The following CNTN1 variants were observed in gnomAD, a reference collection of about 807,000 sequenced individuals.
The protein encoded by CNTN1 is contactin-1.
Under a neutral mutation model 126.4 loss-of-function variants are expected in CNTN1, and 38 were observed. That is an observed-to-expected ratio of 0.30 (90% CI 0.23 to 0.39). The LOEUF is 0.39. CNTN1 is among the 10% of genes least tolerant of loss of function. CNTN1 has a pLI of 1.00. For missense variants in CNTN1, 1,009 were observed against 1,248.4 expected (o/e 0.81, Z 2.89); for synonymous variants, 413 against 422.6 (o/e 0.98, Z 0.28).
chr12:40,822,665 A>G (rs563445050), intron 1 of CNTN1, among the ~76,000 whole-genome samples: 1 of 152,296 alleles, frequency 6.6e-6, no homozygotes, highest in East Asian at 1.9e-4. Context: ...CCTTATATCT[A>G]TGTACCTTTA....
chr12:40,882,211 G>T (rs1943892083), intron 1 of CNTN1, among the ~76,000 whole-genome samples: 1 of 151,620 alleles, frequency 6.6e-6, no homozygotes, highest in Non-Finnish European at 1.5e-5. Context: ...CAGGAAAATA[G>T]GTAGGCATAT....
chr12:41,044,625 T>C (rs1298454711), intron 23 of CNTN1, among the ~76,000 whole-genome samples: 1 of 152,106 alleles, frequency 6.6e-6, no homozygotes, highest in Non-Finnish European at 1.5e-5. Context: ...AATGTTATAC[T>C]GGGAGGGTAG....
intron 14 of CNTN1, among the ~76,000 whole-genome samples, chr12:40,947,748 G>A (rs2136963442): frequency 7.0e-6 from 1 of 142,626 alleles, no homozygotes; most frequent in Non-Finnish European, 1.5e-5. Flanking sequence ...TCCAGTTTTG[G>A]AGATTGTCAC....
chr12:40,861,663 A>G (rs1943119230), intron 1 of CNTN1, among the ~76,000 whole-genome samples: 1 of 152,082 alleles, frequency 6.6e-6, no homozygotes, highest in South Asian at 2.1e-4. Flanking sequence ...GCCTATTTAT[A>G]TTTACCAATT....
chr12:40,807,092 A>G (rs1043852055), intron 1 of CNTN1, among the ~76,000 whole-genome samples: 1 of 152,032 alleles, frequency 6.6e-6, no homozygotes, highest in Non-Finnish European at 1.5e-5. Context: ...ATAATCACTG[A>G]TTCTATACCT....
Position 40,902,814 on chromosome 12 carries a change from A to G in CNTN1, c.-76-5543A>G, listed in dbSNP as rs143119277. Reference sequence around the variant, plus strand: ...TTATAATAATTTATTTGGACTATCCAGCACCAGAATAAAACATGACAAGAG... The same window carrying G: ...TTATAATAATTTATTTGGACTATCCGGCACCAGAATAAAACATGACAAGAG... On this transcript the variant is annotated intron_variant, in intron 1 of 23. Coordinates refer to ENST00000551295, the MANE Select transcript of CNTN1 (RefSeq NM_001843.4). 5.7e-3 allele frequency among the ~76,000 whole-genome samples: 868 copies of G among 152,302 alleles called. 12 individuals carry two copies. Among genetic ancestry groups the G allele is most frequent in the African/African-American group, 0.02 (817 of 41,552 alleles).
At chr12:40,725,625 T>G (rs892097913) in intron 1 of CNTN1, among the ~76,000 whole-genome samples, 1 of 152,086 alleles carries the variant, frequency 6.6e-6, no homozygotes, top group Non-Finnish European at 1.5e-5. Context: ...TCTTAGTTTC[T>G]ATAGGAGAGT....
At position 40,943,675 on chromosome 12, in the gene CNTN1, A is replaced by G; in HGVS notation, c.1458A>G (p.Ala486=). The G allele has an allele frequency of 6.2e-7, 1 of 1,612,504 alleles. No individual in the cohort carries two copies. Among genetic ancestry groups the G allele is most frequent in the Non-Finnish European group, 8.5e-7 (1 of 1,178,836 alleles). The stretch of plus-strand genomic sequence containing the variant: ...ATGGAGGTATCTATACATGCTTTGC[A>G]GAAAATAACAGAGGGAAAGCTAATA... The part of the protein sequence containing the change: ...RNDGGIYTCF[A]ENNRGKANST... Residue 486 remains alanine (A), a synonymous_variant, in exon 13 of 24, where the codon GCA becomes GCG. Transcript: ENST00000551295.
At chr12:40,866,097 T>A (rs1028725373) in intron 1 of CNTN1, among the ~76,000 whole-genome samples, 2 of 146,454 alleles carry the variant, frequency 1.4e-5, no homozygotes, top group Non-Finnish European at 3.0e-5. Flanking sequence ...TAATTATTTT[T>A]AAATTGTATT....
intron 17 of CNTN1, among the ~76,000 whole-genome samples, chr12:40,996,459 G>T (rs1948221253): frequency 6.6e-6 from 1 of 152,062 alleles, no homozygotes. Context: ...ATTTCTAAAT[G>T]GGAATCATTT....
intron 23 of CNTN1, among the ~76,000 whole-genome samples, chr12:41,050,548 A>C (rs998879345): frequency 6.2e-4 from 94 of 152,202 alleles, no homozygotes; most frequent in Non-Finnish European, 7.2e-4. Context: ...TGATCCAATC[A>C]CCTTCCACCA....
intron 23 of CNTN1, among the ~76,000 whole-genome samples, chr12:41,046,029 A>G (rs1036496138): frequency 1.1e-4 from 17 of 152,140 alleles, no homozygotes; most frequent in African/African-American, 4.1e-4. Flanking sequence ...TACAGAGACT[A>G]ACTCCTCAAG....
In CNTN1 at chr12:40,999,697, C is replaced by CTTTT. The variant is rs398019220; in HGVS notation, c.2113+6448_2113+6451dup. On this transcript the variant is annotated intron_variant, in intron 17 of 23. Transcript: ENST00000551295. ...GAGAAGCAGTTACTGTTCTTCTGTG[C>CTTTT]TTTTTTTTTTTTTTTTTTTTTTTGA... 1.9e-3 allele frequency among the ~76,000 whole-genome samples: 168 copies of CTTTT among 86,648 alleles called. 3 individuals are homozygous for CTTTT. Among genetic ancestry groups the CTTTT allele is most frequent in the Non-Finnish European group, 2.7e-3 (129 of 47,770 alleles). The allele number at this position is 86,648 out of a possible 152,430, so 56.8% of individuals were successfully genotyped here.
intron 1 of CNTN1, among the ~76,000 whole-genome samples, chr12:40,879,518 GCAAAATGAGC>G (rs1943801106): frequency 1.3e-5 from 2 of 151,968 alleles, no homozygotes; most frequent in Admixed American, 6.6e-5. Flanking sequence ...TATATGTTAT[GCAAAATGAGC>G]CAAATGATGG....
intron 1 of CNTN1, among the ~76,000 whole-genome samples, chr12:40,752,253 G>C (rs901185458): frequency 1.3e-4 from 20 of 151,934 alleles, no homozygotes; most frequent in Non-Finnish European, 1.6e-4. Context: ...CCCATGCCTT[G>C]GTGCAATTTA....
chr12:40,937,716 C>T (rs747251030), intron 11 of CNTN1, 29 bp downstream of exon 11: 1 of 1,278,458 alleles, frequency 7.8e-7, no homozygotes, highest in Admixed American at 1.7e-5. Context: ...TTCTGTTAAA[C>T]ATTGTTAAAG....
At chr12:41,020,771 G>A (rs999320426) in intron 20 of CNTN1, among the ~76,000 whole-genome samples, 8 of 152,092 alleles carry the variant, frequency 5.3e-5, no homozygotes, top group African/African-American at 1.9e-4. Flanking sequence ...TTTTTGGAAA[G>A]CATTTTGGTA....
chr12:40,761,232 T>G, intron 1 of CNTN1, among the ~76,000 whole-genome samples: 1 of 152,268 alleles, frequency 6.6e-6, no homozygotes, highest in Middle Eastern at 3.4e-3. Flanking sequence ...TTTTCATCTA[T>G]ACCAATTTTT....
At chr12:40,813,058 T>TCTTCCTTCCTTC (rs1208093195) in intron 1 of CNTN1, among the ~76,000 whole-genome samples, 6 of 104,798 alleles carry the variant, frequency 5.7e-5, no homozygotes, top group African/African-American at 2.1e-4. Context: ...TTTCTTTCTT[T>TCTTCCTTCCTTC]CTTCCTTCCT....
Sources: allele counts gnomAD v4.1 joint callset (sites outside exome capture counted in the v4.1 genomes callset), GRCh38; gene constraint gnomAD v4.1.1; transcripts MANE v1.5; gene names NCBI Gene and HGNC (gene_info 2026-07-23, HGNC 2026-07-21).